The following DIP2C variants were observed in gnomAD, a reference collection of about 807,000 sequenced individuals.
DIP2C encodes the protein disco-interacting protein 2 homolog C.
In DIP2C, 33 loss-of-function variants were observed where a neutral mutation model predicts 192.4. That is an observed-to-expected ratio of 0.17 (90% CI 0.13 to 0.23). The LOEUF is 0.23. DIP2C is among the 10% of genes least tolerant of loss of function. The pLI, the probability that DIP2C is intolerant of heterozygous loss-of-function variation, is 1.00. For missense variants in DIP2C, 1,537 were observed against 2,110.1 expected, an observed-to-expected ratio of 0.73 and a Z score of 5.32; for synonymous variants, 979 against 864.1, an observed-to-expected ratio of 1.13 and a Z score of -2.33.
chr10:383,523 G>A (rs952139826), intron 16 of DIP2C, among the ~76,000 whole-genome samples: 1 of 152,114 alleles, frequency 6.6e-6, no homozygotes, highest in Non-Finnish European at 1.5e-5. Context: ...CTTTAACTGG[G>A]TATTTTTGTT....
intron 36 of DIP2C, among the ~76,000 whole-genome samples, chr10:280,204 T>C (rs912932021): frequency 2.0e-5 from 3 of 152,180 alleles, no homozygotes; most frequent in African/African-American, 4.8e-5. Flanking sequence ...GCCAAGGCCT[T>C]AGTGTTCAAA....
intron 1 of DIP2C, among the ~76,000 whole-genome samples, chr10:511,604 G>A (rs1010088634): frequency 1.4e-5 from 2 of 143,638 alleles, no homozygotes; most frequent in Non-Finnish European, 3.0e-5. Flanking sequence ...CTAGAGGAAC[G>A]TGGTGGGAGG....
intron 5 of DIP2C, among the ~76,000 whole-genome samples, chr10:419,785 A>G (rs1966054268): frequency 6.6e-6 from 1 of 152,192 alleles, no homozygotes; most frequent in Admixed American, 6.5e-5. Flanking sequence ...CTCTTAGTAC[A>G]AACAACAACA....
chr10:580,921 C>G (rs952082079), intron 1 of DIP2C, among the ~76,000 whole-genome samples: 1 of 151,988 alleles, frequency 6.6e-6, no homozygotes, highest in African/African-American at 2.4e-5. Context: ...ATGAAGCACT[C>G]CTTAAAAAAT....
At chr10:283,246 G>C (rs757137220) in intron 35 of DIP2C, 26 bp downstream of exon 35, 116 of 1,583,136 alleles carry the variant, frequency 7.3e-5, no homozygotes, top group Middle Eastern at 1.8e-4. Flanking sequence ...ATCTGTTGGG[G>C]GGGGGCCGCC....
At chr10:493,451 G>A (rs138795016) in intron 1 of DIP2C, among the ~76,000 whole-genome samples, 50 of 152,266 alleles carry the variant, frequency 3.3e-4, no homozygotes, top group African/African-American at 1.1e-3. Context: ...TTGGTGTTGG[G>A]GGGAGCGAGA....
At chr10:326,972 T>TC (rs1471147265) in intron 31 of DIP2C, 34 bp downstream of exon 31, 1 of 1,589,208 alleles carries the variant, frequency 6.3e-7, no homozygotes, top group East Asian at 2.2e-5. Context: ...GAGCCACACT[T>TC]CCCACTCAGC....
intron 1 of DIP2C, chr10:664,850 CTAAA>C (rs1382705123): frequency 1.3e-5 from 2 of 151,970 alleles, no homozygotes; most frequent in African/African-American, 2.4e-5. Flanking sequence ...TAACTTAATA[CTAAA>C]TAGACGGGAA....
chr10:623,823 C>T (rs550762581), intron 1 of DIP2C, among the ~76,000 whole-genome samples: 1 of 152,208 alleles, frequency 6.6e-6, no homozygotes, highest in East Asian at 1.9e-4. Context: ...TGGCCACTGC[C>T]CCTTGCATCC....
intron 3 of DIP2C, among the ~76,000 whole-genome samples, chr10:461,561 A>T (rs1277622131): frequency 6.6e-6 from 1 of 152,172 alleles, no homozygotes; most frequent in African/African-American, 2.4e-5. Flanking sequence ...CTACCAAGAG[A>T]CTTAGACTCC....
intron 1 of DIP2C, among the ~76,000 whole-genome samples, chr10:688,959 C>T (rs1831435697): frequency 1.3e-5 from 2 of 152,184 alleles, no homozygotes; most frequent in Non-Finnish European, 2.9e-5. Context: ...AACCCGGGGT[C>T]CAACGACAAG....
intron 7 of DIP2C, among the ~76,000 whole-genome samples, chr10:414,667 C>T (rs1965423661): frequency 6.7e-6 from 1 of 148,200 alleles, no homozygotes; most frequent in Non-Finnish European, 1.5e-5. Context: ...GGACTACAGG[C>T]ATGCACCACC....
rs577652473 is a variant in DIP2C at position 358,211 on chromosome 10, G to C, written c.2795-274C>G. ...ACGCCTGACTTTCCAGTTAATGTGA[G>C]AGCCCCGTGTGCCGGCACTCACAGC... is the stretch of plus-strand genomic sequence containing the variant. On this transcript the variant is annotated intron_variant, in intron 22 of 36. Coordinates refer to ENST00000280886, the MANE Select transcript of DIP2C (RefSeq NM_014974.3). Among the ~76,000 whole-genome samples, 4 of 152,136 alleles carry C rather than the reference G, an allele frequency of 2.6e-5. No homozygotes were observed. In the South Asian group the frequency reaches 8.3e-4, roughly 32 times the overall value.
At chr10:525,829 G>T (rs1044836692) in intron 1 of DIP2C, among the ~76,000 whole-genome samples, 3 of 152,192 alleles carry the variant, frequency 2.0e-5, no homozygotes, top group Non-Finnish European at 4.4e-5. Flanking sequence ...CAAGAGACAT[G>T]ATGGCCAAGC....
intron 32 of DIP2C, among the ~76,000 whole-genome samples, chr10:309,596 T>C (rs1026040637): frequency 1.3e-5 from 2 of 150,758 alleles, no homozygotes; most frequent in African/African-American, 4.9e-5. Context: ...TCTCACTCTG[T>C]CACCCAGGCT....
At chr10:411,285 C>T (rs547948992) in intron 8 of DIP2C, among the ~76,000 whole-genome samples, 1 of 152,308 alleles carries the variant, frequency 6.6e-6, no homozygotes, top group African/African-American at 2.4e-5. Context: ...ACAGAGGAGG[C>T]AGAGGAAGAG....
chr10:382,808 T>C, intron 16 of DIP2C, 47 bp from the exon 17 acceptor site: 2 of 1,374,506 alleles, frequency 1.5e-6, no homozygotes, highest in African/African-American at 1.4e-5. Flanking sequence ...GCACTGTGAT[T>C]GATTACAAAA....
rs527475370 is a variant in DIP2C at position 681,159 on chromosome 10, C to G, written c.85+8335G>C. On this transcript the variant is annotated intron_variant, in intron 1 of 36. Transcript: ENST00000280886. ...CTCAGTCCCATGGTGCAGCCACCAC[C>G]TGTGGCCACAGAAATTCCAGGGAAT... Among the ~76,000 whole-genome samples, 98 of 152,272 alleles carry G rather than the reference C, an allele frequency of 6.4e-4. No individual in the cohort carries two copies. The Middle Eastern group carries it at 0.01, about 16-fold the overall frequency.
rs1404378725 is a variant in DIP2C, at chr10:662,696, T to C, written c.85+26798A>G. ...TTTAAAATTGTTATCAAATTAGGTA[T>C]GGGCAGAAAATATATACAATGTTTG... On this transcript the variant is annotated intron_variant, in intron 1 of 36. Transcript: ENST00000280886. 12 of 557,522 alleles carry C rather than the reference T, an allele frequency of 2.2e-5. No individual in the cohort carries two copies. The East Asian group carries it at 2.9e-4, about 13-fold the overall frequency. 34.5% of individuals were successfully genotyped at this position (557,522 alleles called of 1,614,324 possible).
Sources: allele counts gnomAD v4.1 joint callset (sites outside exome capture counted in the v4.1 genomes callset), GRCh38; gene constraint gnomAD v4.1.1; transcripts MANE v1.5; gene names NCBI Gene and HGNC (gene_info 2026-07-23, HGNC 2026-07-21).